The following WWOX variants were observed in gnomAD, a reference collection of about 807,000 sequenced individuals.
WWOX encodes WW domain containing oxidoreductase, also known as WW domain-containing oxidoreductase.
WWOX carries 69 observed loss-of-function variants against 46.2 expected under a neutral mutation model. That is an observed-to-expected ratio of 1.49 (90% confidence interval 1.23 to 1.82). WWOX has a LOEUF of 1.82. WWOX is among the 40% of genes most tolerant of loss of function. The pLI, the probability that WWOX is intolerant of heterozygous loss-of-function variation, is 0.00. For missense variants in WWOX, 919 were observed against 542.6 expected (o/e 1.69, Z -6.89); for synonymous variants, 359 against 202.6 (o/e 1.77, Z -6.56).
chr16:78,107,791 G>A (rs941468270), intron 1 of WWOX, among the ~76,000 whole-genome samples: 3 of 152,172 alleles, frequency 2.0e-5, no homozygotes, highest in Non-Finnish European at 2.9e-5. Flanking sequence ...GCAACATAGT[G>A]AGACCCTGAT....
At chr16:78,188,801 A>G (rs1232976668) in intron 5 of WWOX, among the ~76,000 whole-genome samples, 1 of 152,140 alleles carries the variant, frequency 6.6e-6, no homozygotes, top group Non-Finnish European at 1.5e-5. Flanking sequence ...AAATCGTATC[A>G]GTGGTTTTCC....
chr16:79,190,946 C>G (rs1030845658), intron 8 of WWOX, among the ~76,000 whole-genome samples: 2 of 152,208 alleles, frequency 1.3e-5, no homozygotes, highest in Admixed American at 6.5e-5. Context: ...GTGGCTAAAT[C>G]TCTCATTTGT....
intron 8 of WWOX, among the ~76,000 whole-genome samples, chr16:78,795,508 G>A (rs2050713854): frequency 6.6e-6 from 1 of 152,060 alleles, no homozygotes; most frequent in Non-Finnish European, 1.5e-5. Context: ...ATCAAACCTG[G>A]CTTCTTAGTC....
chr16:78,575,041 ATAT>A (rs2044830773), intron 8 of WWOX, among the ~76,000 whole-genome samples: 1 of 4,078 alleles, frequency 2.5e-4, no homozygotes, highest in Non-Finnish European at 4.3e-4. Context: ...ATATATATAT[ATAT>A]ATATATATAT....
At chr16:78,676,377 G>A (rs1372063665) in intron 8 of WWOX, among the ~76,000 whole-genome samples, 1 of 150,664 alleles carries the variant, frequency 6.6e-6, no homozygotes, top group African/African-American at 2.4e-5. Context: ...GGTAGCATGA[G>A]CTATTAACAG....
intron 8 of WWOX, among the ~76,000 whole-genome samples, chr16:78,827,126 C>A (rs1243248050): frequency 1.1e-4 from 17 of 152,084 alleles, no homozygotes; most frequent in Admixed American, 1.1e-3. Context: ...GGATGCCTTT[C>A]TGTGGGGGCT....
At chr16:78,362,111 A>C (rs909587415) in intron 5 of WWOX, among the ~76,000 whole-genome samples, 1 of 150,988 alleles carries the variant, frequency 6.6e-6, no homozygotes, top group African/African-American at 2.4e-5. Flanking sequence ...CTCACTCCCC[A>C]CTTTTTATGT....
At chr16:79,164,021 A>G (rs78841718) in intron 8 of WWOX, among the ~76,000 whole-genome samples, 370 of 152,342 alleles carry the variant, frequency 2.4e-3, no homozygotes, top group African/African-American at 8.7e-3. Context: ...TAAGCTAAAC[A>G]TAGACTTTAG....
At chr16:79,032,493 G>T in intron 8 of WWOX, among the ~76,000 whole-genome samples, 1 of 146,838 alleles carries the variant, frequency 6.8e-6, no homozygotes, top group East Asian at 2.0e-4. Flanking sequence ...ATACATAATA[G>T]ACTATACACA....
rs147147081 is a variant in WWOX at position 79,085,484 on chromosome 16, G to T, written c.1057-126124G>T. On this transcript the variant is annotated intron_variant, in intron 8 of 8. Coordinates refer to ENST00000566780, the MANE Select transcript of WWOX (RefSeq NM_016373.4). Reference sequence around the variant, plus strand: ...GATGTGGGCACAGCCTCAGGTTTTGGTTTTTTTCTCCTTTGCTCCTTCACC... The same window carrying T: ...GATGTGGGCACAGCCTCAGGTTTTGTTTTTTTTCTCCTTTGCTCCTTCACC... 3.4e-3 allele frequency among the ~76,000 whole-genome samples: 513 copies of T among 152,120 alleles called. 5 individuals carry two copies. The highest frequency in any genetic ancestry group is 0.012 in the African/African-American group (483 of 41,494).
At chr16:78,844,518 C>G (rs999647332) in intron 8 of WWOX, among the ~76,000 whole-genome samples, 3 of 152,012 alleles carry the variant, frequency 2.0e-5, no homozygotes, top group African/African-American at 7.2e-5. Flanking sequence ...CGAGCCCGAA[C>G]ATCAATCAGG....
intron 8 of WWOX, among the ~76,000 whole-genome samples, chr16:78,673,600 T>C (rs868499431): frequency 6.6e-6 from 1 of 152,200 alleles, no homozygotes; most frequent in Non-Finnish European, 1.5e-5. Context: ...CCCATTAGTG[T>C]TGGTTACGAC....
At chr16:78,137,042 C>G (rs1445694117) in intron 4 of WWOX, among the ~76,000 whole-genome samples, 3 of 152,116 alleles carry the variant, frequency 2.0e-5, no homozygotes, top group Non-Finnish European at 2.9e-5. Flanking sequence ...CATTCACATA[C>G]CATTCACAAC....
intron 7 of WWOX, among the ~76,000 whole-genome samples, chr16:78,430,523 C>T (rs1174826212): frequency 1.3e-5 from 2 of 152,170 alleles, no homozygotes; most frequent in African/African-American, 4.8e-5. Flanking sequence ...AGCAATACAT[C>T]ATGTGCATTG....
rs1567516947 is a variant in WWOX at position 78,350,966 on chromosome 16, A to C, written c.517-35894A>C. Among the ~76,000 whole-genome samples the C allele has an allele frequency of 3.6e-5, 2 of 56,166 alleles. 1 individual carries two copies. Among genetic ancestry groups the C allele is most frequent in the Non-Finnish European group, 1.1e-4 (2 of 17,608 alleles). The allele number at this position is 56,166 out of a possible 152,430, so 36.8% of individuals were successfully genotyped here. ...CATATCTTCACCAGCACTCGCTGTC[A>C]TTTTTCTTTTTAGTCTTGTCATTTT... On this transcript the variant is annotated intron_variant, in intron 5 of 8. Coordinates refer to ENST00000566780, the MANE Select transcript of WWOX (RefSeq NM_016373.4).
At chr16:78,385,134 AACACAC>A (rs61262578) in intron 5 of WWOX, among the ~76,000 whole-genome samples, 13 of 143,048 alleles carry the variant, frequency 9.1e-5, no homozygotes, top group Non-Finnish European at 1.5e-4. Context: ...ACTCCATCTA[AACACAC>A]ACACACACAC....
intron 8 of WWOX, among the ~76,000 whole-genome samples, chr16:78,922,587 C>T (rs2045404356): frequency 1.3e-5 from 2 of 152,184 alleles, no homozygotes; most frequent in Non-Finnish European, 2.9e-5. Flanking sequence ...CCATGTTGCC[C>T]AGGCTGCTCT....
intron 8 of WWOX, among the ~76,000 whole-genome samples, chr16:78,990,876 C>G (rs759919774): frequency 1.3e-4 from 20 of 152,178 alleles, no homozygotes; most frequent in Non-Finnish European, 1.2e-4. Context: ...GGAGACAAAA[C>G]AGGTGATGAA....
chr16:78,953,790 A>G (rs1366055235), intron 8 of WWOX, among the ~76,000 whole-genome samples: 1 of 152,166 alleles, frequency 6.6e-6, no homozygotes, highest in African/African-American at 2.4e-5. Flanking sequence ...CTCAGCTCAG[A>G]TTCTACCTAC....
Sources: gnomAD v4.1 joint callset for allele counts (sites outside exome capture counted in the v4.1 genomes callset) on GRCh38, gnomAD v4.1.1 for gene constraint, MANE v1.5 for transcripts, NCBI Gene and HGNC (gene_info 2026-07-23, HGNC 2026-07-21) for gene names.